LINGO2: variants seen among roughly 807,000 people sequenced by gnomAD.
The protein encoded by LINGO2 is leucine rich repeat and Ig domain containing 2, also known as leucine-rich repeat and immunoglobulin-like domain-containing nogo receptor-interacting protein 2.
A neutral mutation model predicts 30.6 loss-of-function variants in LINGO2; 14 were observed. The ratio of observed to expected loss-of-function variants is 0.46; its 90% CI spans 0.30 to 0.72. LINGO2 has a LOEUF of 0.72. Among genes scored for constraint, LINGO2 ranks in the 30% least tolerant of loss-of-function variants. LINGO2 has a pLI of 0.07. For missense variants in LINGO2, 729 were observed against 751.7 expected (o/e 0.97, Z 0.35); for synonymous variants, 317 against 288.5 (o/e 1.10, Z -1.00).
the LINGO2 span, among the ~76,000 whole-genome samples, chr9:28,971,106 G>A: frequency 2.8e-4 from 42 of 152,224 alleles, no homozygotes; most frequent in African/African-American, 9.4e-4. Context: ...CCAAGTTCCT[G>A]GACGATATTT....
At chr9:29,178,962 A>G in the LINGO2 span, among the ~76,000 whole-genome samples, 1 of 151,528 alleles carries the variant, frequency 6.6e-6, no homozygotes, top group Non-Finnish European at 1.5e-5. Flanking sequence ...TCCCATCTCT[A>G]AAATAATTAA....
At chr9:28,772,473 G>A in the LINGO2 span, among the ~76,000 whole-genome samples, 2 of 152,168 alleles carry the variant, frequency 1.3e-5, no homozygotes, top group Non-Finnish European at 2.9e-5. Context: ...TTGGCTACTT[G>A]TGAGCACACA....
chr9:28,202,181 T>A (rs1820261213), intron 4 of LINGO2, among the ~76,000 whole-genome samples: 1 of 152,174 alleles, frequency 6.6e-6, no homozygotes, highest in Non-Finnish European at 1.5e-5. Context: ...TATTTTAGCT[T>A]ACCTAATTAC....
the LINGO2 span, among the ~76,000 whole-genome samples, chr9:28,993,817 AC>A: frequency 5.9e-5 from 9 of 152,090 alleles, no homozygotes; most frequent in Admixed American, 2.0e-4. Context: ...AAATTCAACA[AC>A]CCTGCATGCT....
At chr9:29,141,055 T>C in the LINGO2 span, among the ~76,000 whole-genome samples, 1 of 152,058 alleles carries the variant, frequency 6.6e-6, no homozygotes, top group African/African-American at 2.4e-5. Flanking sequence ...TCCTTCATGT[T>C]GAAATGAAAG....
the LINGO2 span, among the ~76,000 whole-genome samples, chr9:29,093,029 GTATATA>G: frequency 5.3e-3 from 525 of 98,510 alleles, 77 homozygotes; most frequent in African/African-American, 0.019. Context: ...TAATGTGTGT[GTATATA>G]TATATATATA....
chr9:28,499,052 C>T (rs987085559), intron 1 of LINGO2, among the ~76,000 whole-genome samples: 1 of 152,000 alleles, frequency 6.6e-6, no homozygotes, highest in African/African-American at 2.4e-5. Flanking sequence ...GGTATTTTCA[C>T]AAGAAAGTAG....
intron 1 of LINGO2, among the ~76,000 whole-genome samples, chr9:28,526,055 C>CAAAAAAAAAAAAAAAAAAAAAAA (rs58629857): frequency 4.1e-5 from 2 of 48,510 alleles, no homozygotes; most frequent in African/African-American, 8.2e-5. Context: ...GACTCCGTCT[C>CAAAAAAAAAAAAAAAAAAAAAAA]AAAAAAAAAA....
At chr9:28,862,852 A>G in the LINGO2 span, among the ~76,000 whole-genome samples, 56,822 of 151,960 alleles carry the variant, frequency 0.37, 12,563 homozygotes, top group Middle Eastern at 0.51. Context: ...ATAGTTAATC[A>G]TCAATTGTTT....
At chr9:29,063,055 C>T in the LINGO2 span, among the ~76,000 whole-genome samples, 2 of 152,076 alleles carry the variant, frequency 1.3e-5, no homozygotes, top group Non-Finnish European at 2.9e-5. Flanking sequence ...CAGTAAAGAA[C>T]AACGTATCTA....
intron 1 of LINGO2, among the ~76,000 whole-genome samples, chr9:28,668,571 C>T (rs1046669781): frequency 7.9e-5 from 12 of 151,494 alleles, no homozygotes; most frequent in East Asian, 1.9e-4. Flanking sequence ...CCTAACTATA[C>T]GCTCTGAAAG....
At chr9:28,994,942 T>G in the LINGO2 span, among the ~76,000 whole-genome samples, 4 of 152,094 alleles carry the variant, frequency 2.6e-5, no homozygotes, top group Non-Finnish European at 1.5e-5. Flanking sequence ...ACAGTACCAT[T>G]CAGGACATAG....
At chr9:28,950,314 A>T in the LINGO2 span, among the ~76,000 whole-genome samples, 2 of 152,244 alleles carry the variant, frequency 1.3e-5, no homozygotes, top group Non-Finnish European at 2.9e-5. Context: ...AATTGGAAGC[A>T]TTCCCTTTGA....
At chr9:28,964,237 T>C in the LINGO2 span, among the ~76,000 whole-genome samples, 1 of 151,930 alleles carries the variant, frequency 6.6e-6, no homozygotes, top group Non-Finnish European at 1.5e-5. Flanking sequence ...TATGAAATTA[T>C]ATGAAAAATC....
At chr9:28,552,920 T>C (rs1822385634) in intron 1 of LINGO2, among the ~76,000 whole-genome samples, 1 of 151,920 alleles carries the variant, frequency 6.6e-6, no homozygotes, top group Non-Finnish European at 1.5e-5. Context: ...GTTTTCGAGA[T>C]GAAGAACCTT....
At chr9:28,602,539 G>T (rs1357842104) in intron 1 of LINGO2, among the ~76,000 whole-genome samples, 1 of 151,946 alleles carries the variant, frequency 6.6e-6, no homozygotes, top group African/African-American at 2.4e-5. Context: ...ATCAAAGTGA[G>T]TGATTATTCT....
intron 1 of LINGO2, among the ~76,000 whole-genome samples, chr9:28,506,846 C>T (rs1405916038): frequency 2.0e-5 from 3 of 151,700 alleles, no homozygotes; most frequent in Non-Finnish European, 4.4e-5. Context: ...AGGTATTCCC[C>T]CTGGGAAAAC....
chr9:28,992,152 A>T, the LINGO2 span, among the ~76,000 whole-genome samples: 1 of 152,086 alleles, frequency 6.6e-6, no homozygotes, highest in African/African-American at 2.4e-5. Context: ...ATAGGCTCAA[A>T]ATAAAAGGAT....
chr9:28,373,869 C>T (rs1821005634), intron 2 of LINGO2, among the ~76,000 whole-genome samples: 1 of 144,896 alleles, frequency 6.9e-6, no homozygotes. Flanking sequence ...CACTGCACTC[C>T]AGCCTGGGCA....
Sources: gnomAD v4.1 joint callset for allele counts (sites outside exome capture counted in the v4.1 genomes callset) on GRCh38, gnomAD v4.1.1 for gene constraint, MANE v1.5 for transcripts, NCBI Gene and HGNC (gene_info 2026-07-23, HGNC 2026-07-21) for gene names.